INSC: variants seen among roughly 807,000 people sequenced by gnomAD.
INSC encodes INSC spindle orientation adaptor protein.
Under a neutral mutation model 58.6 loss-of-function variants are expected in INSC, and 67 were observed. The observed-to-expected ratio is 1.14, with a 90% CI of 0.94 to 1.40. The LOEUF is 1.40. Ranked by LOEUF, INSC falls within the 40% of genes most tolerant of loss-of-function variation. INSC has a pLI of 0.00. For missense variants in INSC, 714 were observed against 692.0 expected (o/e 1.03, Z -0.36); for synonymous variants, 262 against 276.1 (o/e 0.95, Z 0.51).
rs561349250 is a variant in INSC, at chr11:15,171,751, C to T, written c.57-3990C>T. Among the ~76,000 whole-genome samples the T allele has an allele frequency of 9.8e-5, 15 of 152,326 alleles. 2 individuals carry two copies. Among genetic ancestry groups the T allele is most frequent in the African/African-American group, 3.6e-4 (15 of 41,576 alleles). On this transcript the variant is annotated intron_variant, in intron 2 of 12. Coordinates refer to ENST00000379556, the MANE Select transcript of INSC (RefSeq NM_001042536.3). Reference sequence around the variant, plus strand: ...CAAGCAATAGAAATTAACTCTTGGACTTGTCTCCCCACTCCCCAAGTGATC... The same window carrying T: ...CAAGCAATAGAAATTAACTCTTGGATTTGTCTCCCCACTCCCCAAGTGATC...
chr11:15,190,827 G>A lies in INSC; in HGVS notation c.693+13G>A. ...CATCATAGCCAAGGTGAGCTTCATG[G>A]TTAGGGACCAAAATGGCAGGCCTGG... On this transcript the variant is annotated intron_variant, in intron 6 of 12. Coordinates refer to ENST00000379556, the MANE Select transcript of INSC (RefSeq NM_001042536.3). 1 of 1,576,870 alleles carries A rather than the reference G, an allele frequency of 6.3e-7. No homozygotes were observed. The highest frequency in any genetic ancestry group is 2.2e-5 in the East Asian group (1 of 44,708).
intron 2 of INSC, among the ~76,000 whole-genome samples, chr11:15,168,852 G>A (rs1299570328): frequency 6.6e-6 from 1 of 152,134 alleles, no homozygotes; most frequent in African/African-American, 2.4e-5. Context: ...TGAATTCATG[G>A]ATGTGTTGAC....
chr11:15,212,330 C>T (rs2091490047), intron 7 of INSC, among the ~76,000 whole-genome samples: 1 of 151,986 alleles, frequency 6.6e-6, no homozygotes, highest in Non-Finnish European at 1.5e-5. Flanking sequence ...GAACTCCTGA[C>T]CTCAGGTGAT....
chr11:15,192,463 A>T, intron 6 of INSC, among the ~76,000 whole-genome samples: 1 of 152,230 alleles, frequency 6.6e-6, no homozygotes, highest in East Asian at 1.9e-4. Context: ...CTGTCTCAGC[A>T]CTTACCATAT....
chr11:15,243,889 TC>T (rs1564926484), intron 12 of INSC, among the ~76,000 whole-genome samples: 2 of 146,860 alleles, frequency 1.4e-5, no homozygotes, highest in Non-Finnish European at 3.0e-5. Flanking sequence ...TGCCACTATT[TC>T]TTTTTTTTTT....
chr11:15,138,926 T>C (rs767583716), intron 1 of INSC, among the ~76,000 whole-genome samples: 4 of 152,182 alleles, frequency 2.6e-5, no homozygotes, highest in Non-Finnish European at 5.9e-5. Flanking sequence ...CAGGCTACCT[T>C]CAAATGTTAT....
chr11:15,152,313 G>C lies in INSC; in HGVS notation c.56+3083G>C, dbSNP rs116653024. On this transcript the variant is annotated intron_variant, in intron 2 of 12. Transcript: ENST00000379556. The stretch of plus-strand genomic sequence containing the variant: ...TTGGAATCAGTGTTGTTGTCCATTG[G>C]CCAAAATGTCCAGGGCCTTCATGTC... Among the ~76,000 whole-genome samples the C allele has an allele frequency of 8.2e-3, 1,252 of 152,262 alleles. 14 individuals carry two copies. Among genetic ancestry groups the C allele is most frequent in the African/African-American group, 0.029 (1,204 of 41,552 alleles).
At chr11:15,158,591 G>T (rs568934150) in intron 2 of INSC, among the ~76,000 whole-genome samples, 1 of 152,166 alleles carries the variant, frequency 6.6e-6, no homozygotes, top group Non-Finnish European at 1.5e-5. Flanking sequence ...CATCTTCTTG[G>T]TAGTGTGGTG....
At chr11:15,215,765 G>A (rs1851192912) in intron 7 of INSC, among the ~76,000 whole-genome samples, 3 of 152,148 alleles carry the variant, frequency 2.0e-5, no homozygotes, top group African/African-American at 7.2e-5. Context: ...AACTTGATAG[G>A]TGTTCTAGCT....
rs1184261230 is a variant in INSC at position 15,175,894 on chromosome 11, T to C, written c.210T>C (p.Pro70=). ...GDLILAGGPG[P]GDPLQLLLKR... ...TCATCCTGGCAGGTGGCCCTGGCCC[T>C]GGAGACCCCCTGCAGCTGCTGCTCA... Residue 70 remains proline (P), a synonymous_variant, in exon 3 of 13, where the codon CCT becomes CCC. Coordinates refer to ENST00000379556, the MANE Select transcript of INSC (RefSeq NM_001042536.3). The C allele has an allele frequency of 6.2e-7, 1 of 1,614,130 alleles. No individual in the cohort carries two copies. Among genetic ancestry groups the C allele is most frequent in the Non-Finnish European group, 8.5e-7 (1 of 1,179,964 alleles).
At chr11:15,223,850 G>C (rs1182606559) in intron 8 of INSC, among the ~76,000 whole-genome samples, 1 of 152,198 alleles carries the variant, frequency 6.6e-6, no homozygotes, top group Non-Finnish European at 1.5e-5. Flanking sequence ...GTTGGATCAA[G>C]AGCTTGAATT....
In INSC at chr11:15,149,127, C is replaced by A; in HGVS notation, c.-45-3C>A. On this transcript the variant is annotated splice_polypyrimidine_tract_variant and splice_region_variant and intron_variant, in intron 1 of 12. Transcript: ENST00000379556. ...GTTGTGCCATCCTGCCCTCTATTTT[C>A]AGGGTCACGACCGCTGCAAGCAGGC... 1 of 1,599,986 alleles carries A rather than the reference C, an allele frequency of 6.3e-7. No homozygotes were observed.
chr11:15,126,464 G>T (rs921311926), intron 1 of INSC, among the ~76,000 whole-genome samples: 1 of 152,152 alleles, frequency 6.6e-6, no homozygotes, highest in African/African-American at 2.4e-5. Context: ...CTGGGCTCTG[G>T]CCATGAATGA....
intron 9 of INSC, among the ~76,000 whole-genome samples, chr11:15,228,569 T>C (rs1244183437): frequency 1.3e-5 from 2 of 152,142 alleles, no homozygotes; most frequent in Non-Finnish European, 2.9e-5. Flanking sequence ...AGGATTAAGG[T>C]GATCAGAGGG....
At chr11:15,150,404 A>G (rs747773795) in intron 2 of INSC, among the ~76,000 whole-genome samples, 6 of 152,212 alleles carry the variant, frequency 3.9e-5, no homozygotes, top group Non-Finnish European at 5.9e-5. Context: ...TTGTCTCCAG[A>G]TAAATAATTC....
intron 1 of INSC, among the ~76,000 whole-genome samples, chr11:15,148,454 G>A (rs1480476814): frequency 6.6e-6 from 1 of 152,196 alleles, no homozygotes; most frequent in African/African-American, 2.4e-5. Context: ...TCCAACAGGA[G>A]ACATACTGCC....
chr11:15,225,763 A>C lies in INSC; in HGVS notation c.1105A>C (p.Ile369Leu), dbSNP rs368157409. The C allele has an allele frequency of 3.2e-5, 51 of 1,613,910 alleles. No homozygotes were observed. The highest frequency in any genetic ancestry group is 4.1e-5 in the Non-Finnish European group (48 of 1,179,990). The change falls in exon 9 of 13, where the codon ATC becomes CTC. Residue 369 changes from isoleucine to leucine, a missense_variant. Physicochemically the swap from Ile to Leu is conservative, Grantham distance 5. Transcript: ENST00000379556. ...ACEMLLQLNAIRVLLEACSDK... is the reference protein window; with the variant it reads ...ACEMLLQLNALRVLLEACSDK... ...CGAGATGCTCCTGCAGTTGAATGCC[A>C]TCCGTGTTCTCCTGGAAGCCTGCAG...
At chr11:15,227,110 A>C (rs1228429188) in intron 9 of INSC, among the ~76,000 whole-genome samples, 2 of 152,216 alleles carry the variant, frequency 1.3e-5, no homozygotes, top group Non-Finnish European at 2.9e-5. Context: ...GCTCAAGAGG[A>C]TGTCCCCAAA....
intron 9 of INSC, among the ~76,000 whole-genome samples, chr11:15,226,758 A>T (rs896492294): frequency 6.6e-6 from 1 of 152,186 alleles, no homozygotes; most frequent in Non-Finnish European, 1.5e-5. Context: ...AGCCCTCTGG[A>T]ATTGCCTCCT....
Sources: allele counts gnomAD v4.1 joint callset (sites outside exome capture counted in the v4.1 genomes callset), GRCh38; gene constraint gnomAD v4.1.1; transcripts MANE v1.5; gene names NCBI Gene and HGNC (gene_info 2026-07-23, HGNC 2026-07-21).